Variants in ABHD12 observed in about 807,000 individuals in gnomAD.
ABHD12 encodes lysophosphatidylserine lipase ABHD12.
ABHD12 carries 43 observed loss-of-function variants against 58.3 expected under a neutral mutation model. The observed-to-expected ratio is 0.74, with a 90% CI of 0.58 to 0.95. ABHD12 has a LOEUF of 0.95. Among genes scored for constraint, ABHD12 ranks in the 40% least tolerant of loss-of-function variants. The pLI, the probability that ABHD12 is intolerant of heterozygous loss-of-function variation, is 0.00. For synonymous variants in ABHD12, 219 were observed against 211.2 expected (o/e 1.04, Z -0.32); for missense variants, 539 against 537.2 (o/e 1.00, Z -0.03).
At chr20:25,359,079 G>A (rs1472390695) in intron 1 of ABHD12, among the ~76,000 whole-genome samples, 1 of 148,940 alleles carries the variant, frequency 6.7e-6, no homozygotes, top group Non-Finnish European at 1.5e-5. Flanking sequence ...ACCCTAGCAT[G>A]CATTAATGAT....
chr20:25,386,691 G>A (rs568373845), intron 1 of ABHD12, among the ~76,000 whole-genome samples: 5 of 152,182 alleles, frequency 3.3e-5, no homozygotes, highest in East Asian at 1.9e-4. Flanking sequence ...GTCCAGCCTG[G>A]TCAACATGGC....
At chr20:25,298,679 A>G (rs2257496), downstream of ABHD12, among the ~76,000 whole-genome samples, 68,411 of 152,046 alleles carry the variant, frequency 0.45, 16,009 homozygotes, top group East Asian at 0.92. Context: ...TTGCACCTGC[A>G]ACTTTTGTCT....
intron 2 of ABHD12, among the ~76,000 whole-genome samples, chr20:25,331,536 T>C (rs892868435): frequency 1.3e-5 from 2 of 150,522 alleles, no homozygotes; most frequent in African/African-American, 2.5e-5. Context: ...AAGGAAAAAA[T>C]GTTAAGGGCA....
intron 1 of ABHD12, among the ~76,000 whole-genome samples, chr20:25,364,966 T>C (rs1334920626): frequency 1.3e-5 from 2 of 152,080 alleles, no homozygotes; most frequent in Non-Finnish European, 2.9e-5. Context: ...GAGTTGGGCA[T>C]GGGAATGGCT....
intron 1 of ABHD12, among the ~76,000 whole-genome samples, chr20:25,361,134 C>A (rs1341042339): frequency 6.6e-6 from 1 of 152,210 alleles, no homozygotes; most frequent in Non-Finnish European, 1.5e-5. Context: ...AACCTCCAGT[C>A]CCTGGTCCAC....
intron 1 of ABHD12, among the ~76,000 whole-genome samples, chr20:25,349,083 C>CAAAA (rs61219186): frequency 1.6e-5 from 1 of 61,626 alleles, no homozygotes; most frequent in Non-Finnish European, 3.6e-5. Context: ...GACTCCGTCT[C>CAAAA]AAAAAAAAAA....
intron 1 of ABHD12, among the ~76,000 whole-genome samples, chr20:25,357,524 A>G (rs2089684440): frequency 6.6e-6 from 1 of 152,256 alleles, no homozygotes; most frequent in African/African-American, 2.4e-5. Context: ...CTCATTAGGT[A>G]GAAAAATTGG....
intron 6 of ABHD12, among the ~76,000 whole-genome samples, chr20:25,312,388 C>T (rs2088866302): frequency 6.6e-6 from 1 of 152,190 alleles, no homozygotes; most frequent in Non-Finnish European, 1.5e-5. Context: ...GCTGTGTTGG[C>T]CAGGCTGGTC....
chr20:25,382,615 CACAAACCTG>C (rs2090035335), intron 1 of ABHD12, among the ~76,000 whole-genome samples: 1 of 152,132 alleles, frequency 6.6e-6, no homozygotes, highest in South Asian at 2.1e-4. Context: ...TCGCTGTTAG[CACAAACCTG>C]ACAAGATGAC....
chr20:25,359,664 G>T (rs1369847853), intron 1 of ABHD12, among the ~76,000 whole-genome samples: 1 of 151,884 alleles, frequency 6.6e-6, no homozygotes, highest in African/African-American at 2.4e-5. Context: ...CCATCTCCCA[G>T]GTTCAAGCAA....
At chr20:25,359,356 G>A (rs1419493033) in intron 1 of ABHD12, among the ~76,000 whole-genome samples, 1 of 146,050 alleles carries the variant, frequency 6.8e-6, no homozygotes, top group Non-Finnish European at 1.5e-5. Flanking sequence ...CCCGGGAGGC[G>A]GAGCTTGCAG....
At chr20:25,299,739 C>T (rs562402248), downstream of ABHD12, among the ~76,000 whole-genome samples, 51 of 152,274 alleles carry the variant, frequency 3.3e-4, no homozygotes, top group African/African-American at 1.2e-3. Context: ...AGATCCCAAC[C>T]CTGGGGCAGG....
downstream of ABHD12, among the ~76,000 whole-genome samples, chr20:25,299,397 CAAAA>C (rs932245743): frequency 3.3e-5 from 5 of 150,080 alleles, no homozygotes; most frequent in African/African-American, 1.2e-4. Context: ...GAGACTGTCT[CAAAA>C]AAACAAAAAA....
intron 1 of ABHD12, among the ~76,000 whole-genome samples, chr20:25,384,240 G>A (rs955444014): frequency 6.6e-6 from 1 of 151,292 alleles, no homozygotes; most frequent in Non-Finnish European, 1.5e-5. Flanking sequence ...CTCGTCTCAA[G>A]GAGTACAGAG....
chr20:25,320,458 T>TG (rs1487902550), intron 3 of ABHD12, 140 bp from the exon 4 acceptor site: 1 of 1,107,516 alleles, frequency 9.0e-7, no homozygotes, highest in Non-Finnish European at 1.3e-6. Context: ...GGGGAACAGA[T>TG]GGGGGTGGGT....
At chr20:25,385,605 G>C (rs1033865363) in intron 1 of ABHD12, among the ~76,000 whole-genome samples, 1 of 151,986 alleles carries the variant, frequency 6.6e-6, no homozygotes, top group Non-Finnish European at 1.5e-5. Context: ...CAATACTTTG[G>C]GGGACAGAGG....
At position 25,386,986 on chromosome 20, in the gene ABHD12, T is replaced by C. The variant is rs1429011490; in HGVS notation, c.191+3527A>G. ...ATTCAATAATATAAATCCATTACTA[T>C]AACTCATTATGTTAACAGATAAAAG... On this transcript the variant is annotated intron_variant, in intron 1 of 12. Transcript: ENST00000339157. 2.6e-5 allele frequency among the ~76,000 whole-genome samples: 4 copies of C among 152,226 alleles called. No homozygotes were observed. The East Asian group carries it at 7.7e-4, about 29-fold the overall frequency.
At chr20:25,363,469 G>A (rs578254885) in intron 1 of ABHD12, among the ~76,000 whole-genome samples, 3 of 151,638 alleles carry the variant, frequency 2.0e-5, no homozygotes, top group East Asian at 3.9e-4. Context: ...CACTCGCCTC[G>A]GCCTCCCAAA....
At position 25,300,579 on chromosome 20, in the gene ABHD12, G is replaced by A. The variant is rs2088616810; in HGVS notation, c.*266C>T. On this transcript the variant is annotated 3_prime_UTR_variant, in exon 13 of 13. Coordinates refer to ENST00000339157, the MANE Select transcript of ABHD12 (RefSeq NM_001042472.3). ...AGTGATGGCTGCCTGCTGCCATTAA[G>A]TCTCCCAACAAGATCTCAGGTTGAG... The A allele has an allele frequency of 1.4e-6, 2 of 1,423,698 alleles. No homozygotes were observed. The highest frequency in any genetic ancestry group is 1.8e-6 in the Non-Finnish European group (2 of 1,092,962). 88.2% of individuals were successfully genotyped at this position (1,423,698 alleles called of 1,614,324 possible). A position where few individuals can be genotyped will look rare whatever the true frequency, so the allele number is the denominator to read the frequency against.
Sources: gnomAD v4.1 joint callset for allele counts (sites outside exome capture counted in the v4.1 genomes callset) on GRCh38, gnomAD v4.1.1 for gene constraint, MANE v1.5 for transcripts, NCBI Gene and HGNC (gene_info 2026-07-23, HGNC 2026-07-21) for gene names.